ERI3: variants seen among roughly 807,000 people sequenced by gnomAD.
The protein encoded by ERI3 is ERI1 exoribonuclease 3.
ERI3 carries 18 observed loss-of-function variants against 44.4 expected under a neutral mutation model. The observed-to-expected ratio is 0.41, with a 90% confidence interval of 0.28 to 0.60. The LOEUF (loss-of-function observed/expected upper bound fraction) is 0.60, where lower values mean the gene tolerates loss of function less well. Ranked by LOEUF, ERI3 falls within the 20% of genes least tolerant of loss-of-function variation. ERI3 has a pLI of 0.36. For synonymous variants in ERI3, 183 were observed against 164.8 expected, an observed-to-expected ratio of 1.11 and a Z score of -0.84; for missense variants, 294 against 435.5, an observed-to-expected ratio of 0.68 and a Z score of 2.89.
chr1:44,347,869 G>C (rs1046324369), intron 2 of ERI3, among the ~76,000 whole-genome samples: 1 of 147,734 alleles, frequency 6.8e-6, no homozygotes, highest in Non-Finnish European at 1.5e-5. Flanking sequence ...AAGAGCATGA[G>C]ATTGTTTTGT....
At chr1:44,229,214 C>T (rs963323538) in intron 8 of ERI3, among the ~76,000 whole-genome samples, 7 of 152,214 alleles carry the variant, frequency 4.6e-5, no homozygotes, top group African/African-American at 1.7e-4. Flanking sequence ...GGAAAGCAGG[C>T]AAGAACGGTG....
chr1:44,312,734 G>C (rs559940537), intron 5 of ERI3, among the ~76,000 whole-genome samples: 1 of 152,216 alleles, frequency 6.6e-6, no homozygotes, highest in Non-Finnish European at 1.5e-5. Flanking sequence ...AAAAGCCATC[G>C]ATGCGGAGTT....
intron 3 of ERI3, among the ~76,000 whole-genome samples, chr1:44,336,204 C>T (rs185414272): frequency 2.0e-5 from 3 of 152,260 alleles, no homozygotes; most frequent in South Asian, 2.1e-4. Flanking sequence ...TAATAAGAAC[C>T]GGACCTATGT....
chr1:44,346,840 A>G (rs1449446730), intron 2 of ERI3, among the ~76,000 whole-genome samples: 2 of 152,218 alleles, frequency 1.3e-5, no homozygotes, highest in Admixed American at 6.5e-5. Flanking sequence ...TTGGGATTCA[A>G]TTCAACCGTG....
intron 8 of ERI3, among the ~76,000 whole-genome samples, chr1:44,238,655 C>A (rs1644363527): frequency 6.6e-6 from 1 of 152,086 alleles, no homozygotes; most frequent in Admixed American, 6.5e-5. Flanking sequence ...AGGAAGGATG[C>A]CTGAGAGCCT....
intron 2 of ERI3, among the ~76,000 whole-genome samples, chr1:44,345,754 G>C (rs576775503): frequency 2.0e-5 from 3 of 152,200 alleles, no homozygotes; most frequent in Non-Finnish European, 4.4e-5. Flanking sequence ...AGCACTCTCT[G>C]TGTGAAAAAC....
At chr1:44,286,649 C>T (rs72891767) in intron 6 of ERI3, among the ~76,000 whole-genome samples, 2 of 152,158 alleles carry the variant, frequency 1.3e-5, no homozygotes, top group Non-Finnish European at 2.9e-5. Flanking sequence ...TCATCACACA[C>T]AAGGACCTCA....
intron 8 of ERI3, among the ~76,000 whole-genome samples, chr1:44,225,534 AT>A (rs1403668332): frequency 6.6e-6 from 1 of 152,148 alleles, no homozygotes; most frequent in East Asian, 1.9e-4. Flanking sequence ...AAATATTTTT[AT>A]ATTGCCAAGA....
chr1:44,342,826 T>TATATATATAA (rs1646688209), intron 2 of ERI3, among the ~76,000 whole-genome samples: 14 of 17,296 alleles, frequency 8.1e-4, no homozygotes, highest in Admixed American at 2.2e-3. Context: ...TATATATATA[T>TATATATATAA]ATATATATAT....
At chr1:44,265,468 T>C (rs1276900941) in intron 7 of ERI3, among the ~76,000 whole-genome samples, 1 of 152,200 alleles carries the variant, frequency 6.6e-6, no homozygotes, top group Non-Finnish European at 1.5e-5. Context: ...ACAGACTAAA[T>C]GGTGGGGGTA....
intron 6 of ERI3, among the ~76,000 whole-genome samples, chr1:44,293,932 C>A (rs1645559387): frequency 6.6e-6 from 1 of 152,174 alleles, no homozygotes; most frequent in Admixed American, 6.5e-5. Context: ...CCAGGGTGAA[C>A]CCAGCCGGGC....
chr1:44,300,348 T>C (rs542637090), intron 6 of ERI3, among the ~76,000 whole-genome samples: 66 of 152,308 alleles, frequency 4.3e-4, no homozygotes, highest in Admixed American at 7.2e-4. Flanking sequence ...AGAAATGAGG[T>C]TGCCACTGGG....
At position 44,228,724 on chromosome 1, in the gene ERI3, T is replaced by A. The variant is rs775945676; in HGVS notation, c.932-7084A>T. On this transcript the variant is annotated intron_variant, in intron 8 of 8. Coordinates refer to ENST00000372257, the MANE Select transcript of ERI3 (RefSeq NM_024066.3). The surrounding 1 kb of genome is among the most constrained non-coding windows in gnomAD (Gnocchi z 4.3). ...GATGTGCCTGGCCGGGAGGGCACAG[T>A]GCCTGGAAACCCCTTTGCCAGCATC... is the stretch of plus-strand genomic sequence containing the variant. Among the ~76,000 whole-genome samples, 9 of 152,114 alleles carry A rather than the reference T, an allele frequency of 5.9e-5. No individual in the cohort carries two copies. The highest frequency in any genetic ancestry group is 1.0e-4 in the Non-Finnish European group (7 of 68,032).
chr1:44,284,231 G>A (rs1313469015), intron 7 of ERI3, among the ~76,000 whole-genome samples: 5 of 152,130 alleles, frequency 3.3e-5, no homozygotes, highest in South Asian at 4.1e-4. Context: ...GGTCCTTGCC[G>A]GTCCATAGCC....
chr1:44,293,915 C>T (rs1189144020), intron 6 of ERI3, among the ~76,000 whole-genome samples: 1 of 152,190 alleles, frequency 6.6e-6, no homozygotes, highest in African/African-American at 2.4e-5. Flanking sequence ...CTGGGCTGGG[C>T]TCCAGGCCAG....
chr1:44,227,759 T>G (rs1644080697), intron 8 of ERI3, among the ~76,000 whole-genome samples: 1 of 152,126 alleles, frequency 6.6e-6, no homozygotes, highest in African/African-American at 2.4e-5. Context: ...ATGGCCCCAG[T>G]ATATCCTGCT....
chr1:44,353,334 A>C (rs1646935183), intron 1 of ERI3: 1 of 985,454 alleles, frequency 1.0e-6, no homozygotes, highest in Non-Finnish European at 1.2e-6. Context: ...GCCATACTGA[A>C]AATGGCCACA....
chr1:44,339,952 T>C (rs1453146402), intron 2 of ERI3, among the ~76,000 whole-genome samples: 1 of 152,156 alleles, frequency 6.6e-6, no homozygotes, highest in Non-Finnish European at 1.5e-5. Flanking sequence ...AGTGGCACCC[T>C]GGGGGAATGA....
At chr1:44,265,301 C>T (rs932674334) in intron 7 of ERI3, among the ~76,000 whole-genome samples, 2 of 152,206 alleles carry the variant, frequency 1.3e-5, no homozygotes, top group African/African-American at 4.8e-5. Flanking sequence ...AACTTACACT[C>T]CCGCACAGGT....
Sources: gnomAD v4.1 joint callset for allele counts (sites outside exome capture counted in the v4.1 genomes callset) on GRCh38, gnomAD v4.1.1 for gene constraint, Gnocchi (gnomAD v3.1) non-coding constraint, MANE v1.5 for transcripts, NCBI Gene and HGNC (gene_info 2026-07-23, HGNC 2026-07-21) for gene names.